Variants in TPM1 observed in about 807,000 individuals in gnomAD.
TPM1 encodes the protein tropomyosin 1.
A neutral mutation model predicts 42.9 loss-of-function variants in TPM1; 24 were observed. The observed-to-expected ratio is 0.56, with a 90% CI of 0.41 to 0.79. The LOEUF is 0.79. Among genes scored for constraint, TPM1 ranks in the 30% least tolerant of loss-of-function variants. The probability of loss-of-function intolerance (pLI) is 0.00; values close to 1 mark genes in which losing one functional copy is unlikely to be tolerated. For synonymous variants in TPM1, 136 were observed against 130.1 expected (o/e 1.05, Z -0.31); for missense variants, 158 against 351.8 (o/e 0.45, Z 4.41).
chr15:63,050,100 GT>G (rs760804953), intron 2 of TPM1, among the ~76,000 whole-genome samples: 3 of 152,208 alleles, frequency 2.0e-5, no homozygotes, highest in Non-Finnish European at 4.4e-5. Flanking sequence ...GGTTAAAGGA[GT>G]TACTATGTAA....
chr15:63,048,972 A>G lies in TPM1; in HGVS notation c.240+4820A>G, dbSNP rs1038242937. On this transcript the variant is annotated intron_variant, in intron 2 of 9. Transcript: ENST00000403994. ...GTGTTGAGAAGGTTCTGGAAGGAGCATTTTCCCAGGAAGGGTCTGTTTCTG... is the reference window on the plus strand; with the variant it reads ...GTGTTGAGAAGGTTCTGGAAGGAGCGTTTTCCCAGGAAGGGTCTGTTTCTG... 1.0e-5 allele frequency: 5 copies of G among 499,342 alleles called. No homozygotes were observed. In the African/African-American group the frequency reaches 1.0e-4, roughly 10 times the overall value. 30.9% of individuals were successfully genotyped at this position (499,342 alleles called of 1,614,324 possible). A position where few individuals can be genotyped will look rare whatever the true frequency, so the allele number is the denominator to read the frequency against.
intron 9 of TPM1, chr15:63,065,201 C>T (rs1595681576): frequency 1.0e-6 from 1 of 985,978 alleles, no homozygotes; most frequent in Non-Finnish European, 1.2e-6. Context: ...ATGAGAAGAA[C>T]CTTGAACAGA....
chr15:63,061,661 T>G, intron 5 of TPM1, 52 bp from the exon 6 acceptor site: 1 of 1,553,032 alleles, frequency 6.4e-7, no homozygotes, highest in Non-Finnish European at 8.9e-7. Flanking sequence ...TTTTCTCTCC[T>G]CCTTCCTTTG....
chr15:63,059,576 A>G lies in TPM1; in HGVS notation c.388A>G (p.Ile130Val), dbSNP rs1114167355. Residue 130 changes from isoleucine to valine, a missense_variant, in exon 4 of 10, where the codon ATT becomes GTT. By Grantham distance (29) the Ile-to-Val change is conservative. Transcript: ENST00000403994. ...ADESERGMKVIESRAQKDEEK... is the reference protein window; with the variant it reads ...ADESERGMKVVESRAQKDEEK... ...CTTTCTTTTCAGAGGCATGAAAGTCATTGAGAGTCGAGCCCAAAAAGATGA... is the reference window on the plus strand; with the variant it reads ...CTTTCTTTTCAGAGGCATGAAAGTCGTTGAGAGTCGAGCCCAAAAAGATGA... The G allele has an allele frequency of 6.2e-7, 1 of 1,610,282 alleles. No individual in the cohort carries two copies. The highest frequency in any genetic ancestry group is 8.5e-7 in the Non-Finnish European group (1 of 1,177,606).
chr15:63,052,285 G>A (rs961369385), intron 2 of TPM1, among the ~76,000 whole-genome samples: 17 of 152,176 alleles, frequency 1.1e-4, no homozygotes, highest in African/African-American at 2.9e-4. Flanking sequence ...CACTTTGGGC[G>A]GCCGAGACGG....
intron 2 of TPM1, chr15:63,049,349 A>C (rs896181604): frequency 6.6e-6 from 1 of 152,620 alleles, no homozygotes; most frequent in African/African-American, 2.4e-5. Context: ...TCTCTCATAC[A>C]GATAGATAAT....
At chr15:63,048,747 C>T (rs376982278) in intron 2 of TPM1, 2 of 1,523,236 alleles carry the variant, frequency 1.3e-6, no homozygotes, top group Non-Finnish European at 1.8e-6. Flanking sequence ...CCCAGAGGCG[C>T]ATCCTCCCGG....
chr15:63,051,662 A>G (rs2033901710), intron 2 of TPM1, among the ~76,000 whole-genome samples: 1 of 152,210 alleles, frequency 6.6e-6, no homozygotes, highest in African/African-American at 2.4e-5. Context: ...ATGAAATAAA[A>G]AGACCTGACC....
chr15:63,064,757 A>AGATT (rs1254540507), intron 9 of TPM1: 2 of 748,152 alleles, frequency 2.7e-6, no homozygotes, highest in African/African-American at 3.8e-5. Context: ...CGAGGTCAGG[A>AGATT]GATTGAGACC....
intron 2 of TPM1, among the ~76,000 whole-genome samples, chr15:63,051,537 T>G (rs886825787): frequency 2.9e-5 from 4 of 138,872 alleles, no homozygotes; most frequent in South Asian, 2.3e-4. Flanking sequence ...GTCATCAGTG[T>G]TTTTTTTTTT....
chr15:63,068,340 G>C (rs1361059335), downstream of TPM1, among the ~76,000 whole-genome samples: 3 of 152,202 alleles, frequency 2.0e-5, no homozygotes, highest in Non-Finnish European at 2.9e-5. Context: ...TTCTGACTGG[G>C]AGCTCCCTGG....
intron 3 of TPM1, 144 bp from the exon 4 acceptor site, chr15:63,059,419 T>C: frequency 3.2e-6 from 2 of 623,824 alleles, no homozygotes; most frequent in Non-Finnish European, 5.9e-6. Flanking sequence ...GAAATTGTTG[T>C]TTCCTGGTTT....
chr15:63,061,042 G>T, intron 5 of TPM1, 103 bp downstream of exon 5: 1 of 1,519,484 alleles, frequency 6.6e-7, no homozygotes. Flanking sequence ...TCAGCTCCGG[G>T]CTCCTTTTGT....
rs998551569 is a variant in TPM1, at chr15:63,046,767, A to G, written c.240+2615A>G. On this transcript the variant is annotated intron_variant, in intron 2 of 9. Transcript: ENST00000403994. Reference sequence around the variant, plus strand: ...TTTACTTCTTAACTTAGGGATTCTCAACCTTCTCTAAACATAATCACTTAG... The same window carrying G: ...TTTACTTCTTAACTTAGGGATTCTCGACCTTCTCTAAACATAATCACTTAG... The G allele has an allele frequency of 3.9e-5, 6 of 152,620 alleles. No homozygotes were observed. In the East Asian group the frequency reaches 9.6e-4, roughly 24 times the overall value. The allele number at this position is 152,620 out of a possible 1,614,324, so 9.5% of individuals were successfully genotyped here.
intron 1 of TPM1, chr15:63,043,304 C>T (rs951007775): frequency 1.9e-6 from 1 of 527,134 alleles, no homozygotes; most frequent in African/African-American, 1.9e-5. Flanking sequence ...TCGAGTAACT[C>T]AAGTGTTAGA....
intron 4 of TPM1, chr15:63,059,902 A>C: frequency 2.6e-6 from 1 of 388,918 alleles, no homozygotes; most frequent in Non-Finnish European, 4.9e-6. Context: ...AGCACTGCGA[A>C]GAAGGACCAA....
rs397516490 is a variant in TPM1 at position 63,048,582 on chromosome 15, G to A, written c.240+4430G>A. On this transcript the variant is annotated intron_variant, in intron 2 of 9. Coordinates refer to ENST00000403994, the MANE Select transcript of TPM1 (RefSeq NM_001018005.2). ...CCGCCTACCGTCCGGCGCGATGGCG[G>A]GGAGTAGCTCGCTGGAGGCGGTGCG... The A allele has an allele frequency of 3.8e-5, 58 of 1,528,492 alleles. No homozygotes were observed. In the Middle Eastern group the frequency reaches 2.2e-3, roughly 57 times the overall value. The allele number at this position is 1,528,492 out of a possible 1,614,324, so 94.7% of individuals were successfully genotyped here.
At chr15:63,049,131 A>G in intron 2 of TPM1, 1 of 225,050 alleles carries the variant, frequency 4.4e-6, no homozygotes, top group South Asian at 4.3e-5. Context: ...GGGCGCCGAC[A>G]GGTCAAGTGG....
chr15:63,071,104 G>A, downstream of TPM1: 3 of 1,614,098 alleles, frequency 1.9e-6, no homozygotes, highest in Non-Finnish European at 2.5e-6. Flanking sequence ...AGTGGCTCAT[G>A]CCAAAGAAGA....
Sources: allele counts gnomAD v4.1 joint callset (sites outside exome capture counted in the v4.1 genomes callset), GRCh38; gene constraint gnomAD v4.1.1; transcripts MANE v1.5; gene names NCBI Gene and HGNC (gene_info 2026-07-23, HGNC 2026-07-21).